The following TSHZ2 variants were observed in gnomAD, a reference collection of about 807,000 sequenced individuals.
TSHZ2 encodes teashirt zinc finger homeobox 2, also known as teashirt homolog 2.
TSHZ2 carries 21 observed loss-of-function variants against 74.4 expected under a neutral mutation model. The observed-to-expected ratio is 0.28, with a 90% CI of 0.20 to 0.41. The LOEUF (loss-of-function observed/expected upper bound fraction) is 0.41. Ranked by LOEUF, TSHZ2 falls within the 10% of genes least tolerant of loss-of-function variation. The pLI is 1.00. For missense variants in TSHZ2, 1,244 were observed against 1,293.5 expected, an observed-to-expected ratio of 0.96 and a Z score of 0.59; for synonymous variants, 540 against 515.3, an observed-to-expected ratio of 1.05 and a Z score of -0.65.
At chr20:53,344,113 A>T (rs901332293) in intron 2 of TSHZ2, among the ~76,000 whole-genome samples, 2 of 151,608 alleles carry the variant, frequency 1.3e-5, no homozygotes, top group Non-Finnish European at 3.0e-5. Flanking sequence ...ATTTATGCTG[A>T]TGCAATATTT....
In TSHZ2 at chr20:53,268,194, ATGT is replaced by A. The variant is rs368064626; in HGVS notation, c.*8+11626_*8+11628del. On this transcript the variant is annotated intron_variant, in intron 2 of 2. Coordinates refer to ENST00000371497, the MANE Select transcript of TSHZ2 (RefSeq NM_173485.6). ...TGGTCAAAAACACCTTTCCATTTTCATGTTGGAGCCTCCAATACATTATATGTT... is the reference window on the plus strand; with the variant it reads ...TGGTCAAAAACACCTTTCCATTTTCATGGAGCCTCCAATACATTATATGTT... 2.6e-3 allele frequency among the ~76,000 whole-genome samples: 390 copies of A among 152,262 alleles called. 3 individuals carry two copies. The highest frequency in any genetic ancestry group is 8.0e-3 in the African/African-American group (332 of 41,548).
rs555070973 is a variant in TSHZ2 at position 53,137,472 on chromosome 20, C to T, written c.41-116027C>T. ...TGAATAACTGATATAAATGGAATCA[C>T]TTTGTAAATGGCTGTCAGGAACTGC... On this transcript the variant is annotated intron_variant, in intron 1 of 2. Coordinates refer to ENST00000371497, the MANE Select transcript of TSHZ2 (RefSeq NM_173485.6). Among the ~76,000 whole-genome samples, 15 of 152,154 alleles carry T rather than the reference C, an allele frequency of 9.9e-5. No homozygotes were observed. The East Asian group carries it at 2.7e-3, about 27-fold the overall frequency.
chr20:53,202,030 G>A (rs1438761546), intron 1 of TSHZ2, among the ~76,000 whole-genome samples: 1 of 152,238 alleles, frequency 6.6e-6, no homozygotes, highest in Non-Finnish European at 1.5e-5. Flanking sequence ...CAAGTAACAA[G>A]AGAGACTACC....
intron 1 of TSHZ2, among the ~76,000 whole-genome samples, chr20:53,146,161 C>T (rs1987534496): frequency 6.6e-6 from 1 of 151,868 alleles, no homozygotes; most frequent in African/African-American, 2.4e-5. Context: ...CTTTGTGGTC[C>T]ATTTCATATC....
intron 1 of TSHZ2, among the ~76,000 whole-genome samples, chr20:53,108,423 G>A (rs542567638): frequency 9.8e-5 from 15 of 152,286 alleles, no homozygotes; most frequent in South Asian, 6.2e-4. Flanking sequence ...AAAACAAGCC[G>A]CCCTGAGGAG....
chr20:53,092,353 C>T (rs561075829), intron 1 of TSHZ2, among the ~76,000 whole-genome samples: 8 of 152,188 alleles, frequency 5.3e-5, no homozygotes, highest in East Asian at 1.9e-4. Flanking sequence ...ATTCATTCTC[C>T]GTCTTAACAC....
At chr20:53,053,075 T>C (rs1265031353) in intron 1 of TSHZ2, among the ~76,000 whole-genome samples, 1 of 152,202 alleles carries the variant, frequency 6.6e-6, no homozygotes, top group Non-Finnish European at 1.5e-5. Context: ...CCTCCGGTAC[T>C]GGTAGAGAGA....
intron 2 of TSHZ2, among the ~76,000 whole-genome samples, chr20:53,290,144 G>A (rs1006894223): frequency 6.6e-6 from 1 of 152,026 alleles, no homozygotes; most frequent in Non-Finnish European, 1.5e-5. Context: ...GAGTCAGTTG[G>A]AGCTAAGGGA....
chr20:52,983,124 G>C (rs747321999), intron 1 of TSHZ2, among the ~76,000 whole-genome samples: 1 of 152,148 alleles, frequency 6.6e-6, no homozygotes, highest in African/African-American at 2.4e-5. Flanking sequence ...ATGACATGGC[G>C]AGGCTGTGGA....
chr20:53,023,594 A>T (rs1377932023), intron 1 of TSHZ2, among the ~76,000 whole-genome samples: 2 of 151,568 alleles, frequency 1.3e-5, no homozygotes, highest in African/African-American at 4.9e-5. Context: ...TTGTAGTTTC[A>T]GTATTGTGCT....
At chr20:53,008,983 CTCT>C (rs1568717397) in intron 1 of TSHZ2, among the ~76,000 whole-genome samples, 1 of 7,222 alleles carries the variant, frequency 1.4e-4, no homozygotes, top group Non-Finnish European at 9.5e-4. Flanking sequence ...TCTTTCTCCT[CTCT>C]CTCTCTCTCT....
chr20:53,286,638 A>C (rs903541645), intron 2 of TSHZ2, among the ~76,000 whole-genome samples: 4 of 152,118 alleles, frequency 2.6e-5, no homozygotes, highest in South Asian at 2.1e-4. Context: ...TAATCCCAGC[A>C]CTTTGGGTGA....
At chr20:53,465,025 G>T (rs1013988533) in intron 2 of TSHZ2, among the ~76,000 whole-genome samples, 1 of 152,104 alleles carries the variant, frequency 6.6e-6, no homozygotes, top group African/African-American at 2.4e-5. Context: ...TGGGCAACTT[G>T]GGTTCCCCAT....
At chr20:53,453,331 A>T (rs1202854072) in intron 2 of TSHZ2, among the ~76,000 whole-genome samples, 1 of 152,222 alleles carries the variant, frequency 6.6e-6, no homozygotes, top group Middle Eastern at 3.2e-3. Flanking sequence ...TTTGCCAGCA[A>T]ACTCCATTTT....
intron 1 of TSHZ2, among the ~76,000 whole-genome samples, chr20:53,139,588 T>C (rs1046903689): frequency 3.0e-4 from 46 of 152,330 alleles, no homozygotes; most frequent in African/African-American, 1.1e-3. Context: ...CTGGCCAGCA[T>C]TTTGCTTTTA....
intron 2 of TSHZ2, among the ~76,000 whole-genome samples, chr20:53,297,959 A>G (rs1991410533): frequency 6.6e-6 from 1 of 152,240 alleles, no homozygotes. Flanking sequence ...CAAAATGTCG[A>G]AACTTATTCT....
rs113703092 is a variant in TSHZ2, at chr20:53,097,323, A to T, written c.40+123990A>T. 4.1e-3 allele frequency among the ~76,000 whole-genome samples: 632 copies of T among 152,308 alleles called. 5 individuals are homozygous for T. The highest frequency in any genetic ancestry group is 0.02 in the Middle Eastern group (6 of 294). On this transcript the variant is annotated intron_variant, in intron 1 of 2. Transcript: ENST00000371497. ...ATTTTCCCAATAAAAATAAGAAGGT[A>T]CTTCCCAACCTGCTTAAGAAAATGT... is the stretch of plus-strand genomic sequence containing the variant.
chr20:53,384,688 C>A (rs530781990), intron 2 of TSHZ2, among the ~76,000 whole-genome samples: 2 of 152,240 alleles, frequency 1.3e-5, no homozygotes, highest in South Asian at 4.1e-4. Flanking sequence ...GTAAAAATGC[C>A]CCCTGACCAA....
chr20:53,376,262 G>A (rs1482003389), intron 2 of TSHZ2, among the ~76,000 whole-genome samples: 2 of 152,208 alleles, frequency 1.3e-5, no homozygotes, highest in Non-Finnish European at 2.9e-5. Flanking sequence ...GGACTAAGAA[G>A]TTTCCCAGGA....
Sources: gnomAD v4.1 joint callset for allele counts (sites outside exome capture counted in the v4.1 genomes callset) on GRCh38, gnomAD v4.1.1 for gene constraint, MANE v1.5 for transcripts, NCBI Gene and HGNC (gene_info 2026-07-23, HGNC 2026-07-21) for gene names.